The following ZNF462 variants were observed in gnomAD, a reference collection of about 807,000 sequenced individuals.
ZNF462 encodes zinc finger protein 462.
ZNF462 carries 10 observed loss-of-function variants against 201.9 expected under a neutral mutation model. The ratio of observed to expected loss-of-function variants is 0.05; its 90% CI spans 0.03 to 0.08. The LOEUF is 0.08. Among genes scored for constraint, ZNF462 ranks in the 10% least tolerant of loss-of-function variants. The pLI, the probability that ZNF462 is intolerant of heterozygous loss-of-function variation, is 1.00. For missense variants in ZNF462, 2,523 were observed against 3,168.3 expected (o/e 0.80, Z 4.89); for synonymous variants, 1,227 against 1,193.3 (o/e 1.03, Z -0.58).
rs1273616964 is a variant in ZNF462, at chr9:106,902,060, A to G, written c.-30-21294A>G. Among the ~76,000 whole-genome samples the G allele has an allele frequency of 6.6e-6, 1 of 152,132 alleles. No homozygotes were observed. The highest frequency in any genetic ancestry group is 1.5e-5 in the Non-Finnish European group (1 of 68,010). ...GTATTATGCTGGCTGTGGGTTTGTC[A>G]TAGATGGCTTTTATTACATTAAGGT... is the stretch of plus-strand genomic sequence containing the variant. On this transcript the variant is annotated intron_variant, in intron 1 of 12. Coordinates refer to ENST00000277225, the MANE Select transcript of ZNF462 (RefSeq NM_021224.6). This position sits in a 1 kb window ranked among gnomAD's most constrained non-coding sequence, Gnocchi z 4.2.
chr9:106,860,795 C>T (rs1369627583), upstream of ZNF462, among the ~76,000 whole-genome samples: 3 of 152,182 alleles, frequency 2.0e-5, no homozygotes, highest in African/African-American at 7.2e-5. This position sits in a 1 kb window ranked among gnomAD's most constrained non-coding sequence, Gnocchi z 7.1. Flanking sequence ...CTCAGACACC[C>T]CCCGGGTCCC....
In ZNF462 at chr9:106,991,839, T is replaced by TACAC. The variant is rs200978759; in HGVS notation, c.7056+7470_7056+7473dup. Among the ~76,000 whole-genome samples the TACAC allele has an allele frequency of 5.9e-3, 805 of 136,320 alleles. 6 individuals carry two copies. Among genetic ancestry groups the TACAC allele is most frequent in the East Asian group, 0.015 (70 of 4,726 alleles). 89.4% of individuals were successfully genotyped at this position (136,320 alleles called of 152,430 possible). On this transcript the variant is annotated intron_variant, in intron 10 of 12. Coordinates refer to ENST00000277225, the MANE Select transcript of ZNF462 (RefSeq NM_021224.6). ...GACCCTTGACCTTTACAGCACTCTC[T>TACAC]ACACACACACACACACACACACACA... is the stretch of plus-strand genomic sequence containing the variant.
At chr9:106,990,596 C>G (rs1036375680) in intron 10 of ZNF462, among the ~76,000 whole-genome samples, 2 of 151,940 alleles carry the variant, frequency 1.3e-5, no homozygotes, top group African/African-American at 4.8e-5. Flanking sequence ...AATATTTTCA[C>G]TATGCCATAT....
At chr9:106,990,082 G>A (rs1311321976) in intron 10 of ZNF462, among the ~76,000 whole-genome samples, 2 of 151,564 alleles carry the variant, frequency 1.3e-5, no homozygotes, top group African/African-American at 4.8e-5. Flanking sequence ...CCTTAACACT[G>A]CCTTTGCTGT....
chr9:106,900,539 A>G lies in ZNF462; in HGVS notation c.-30-22815A>G, dbSNP rs548058898. The stretch of plus-strand genomic sequence containing the variant: ...GAAGTGTTCTCTGTTCACCGCATCC[A>G]TGCCAACATCTACTGTTTTTTGATT... On this transcript the variant is annotated intron_variant, in intron 1 of 12. Transcript: ENST00000277225. Among the ~76,000 whole-genome samples, 18 of 152,250 alleles carry G rather than the reference A, an allele frequency of 1.2e-4. No individual in the cohort carries two copies. In the South Asian group the frequency reaches 2.7e-3, roughly 23 times the overall value.
chr9:106,978,845 T>G lies in ZNF462; in HGVS notation c.6832+4572T>G. The G allele has an allele frequency of 5.0e-6, 1 of 199,568 alleles. No homozygotes were observed. The highest frequency in any genetic ancestry group is 9.9e-6 in the Non-Finnish European group (1 of 100,596). 12.4% of individuals were successfully genotyped at this position (199,568 alleles called of 1,614,324 possible). On this transcript the variant is annotated intron_variant, in intron 9 of 12. Coordinates refer to ENST00000277225, the MANE Select transcript of ZNF462 (RefSeq NM_021224.6). The surrounding 1 kb of genome is among the most constrained non-coding windows in gnomAD (Gnocchi z 4.1). ...GCTTGGCAACACAAGCCACAGATTT[T>G]GGACCAAGGACCTTGCCTCCTCAGT...
intron 1 of ZNF462, among the ~76,000 whole-genome samples, chr9:106,871,347 G>T (rs1044398623): frequency 2.0e-5 from 3 of 152,168 alleles, no homozygotes; most frequent in Non-Finnish European, 2.9e-5. Context: ...AATAGACAAG[G>T]TTGTTAAAGC....
intron 10 of ZNF462, among the ~76,000 whole-genome samples, chr9:107,000,261 G>A (rs547793062): frequency 4.6e-5 from 7 of 152,032 alleles, no homozygotes; most frequent in Non-Finnish European, 8.8e-5. Context: ...ATGAGAGCCC[G>A]CCATGTAAAC....
At chr9:106,918,985 C>CT (rs1201135626) in intron 1 of ZNF462, among the ~76,000 whole-genome samples, 1 of 152,120 alleles carries the variant, frequency 6.6e-6, no homozygotes, top group African/African-American at 2.4e-5. Flanking sequence ...GGAAAAGCAC[C>CT]TTATGGTGTT....
At position 106,870,932 on chromosome 9, in the gene ZNF462, G is replaced by C. The variant is rs1157060263; in HGVS notation, c.-31+7577G>C. 6.6e-6 allele frequency among the ~76,000 whole-genome samples: 1 copy of C among 152,142 alleles called. No homozygotes were observed. The highest frequency in any genetic ancestry group is 2.1e-4 in the South Asian group (1 of 4,826). ...TCTTTTTCCTGTTCAGATTTAAGAA[G>C]GTAATGCCATTATTCTTCAGTTTTG... is the stretch of plus-strand genomic sequence containing the variant. On this transcript the variant is annotated intron_variant, in intron 1 of 12. Transcript: ENST00000277225. The surrounding 1 kb of genome is among the most constrained non-coding windows in gnomAD (Gnocchi z 4.3).
intron 7 of ZNF462, among the ~76,000 whole-genome samples, chr9:106,939,503 G>A (rs1052608587): frequency 6.6e-6 from 1 of 152,212 alleles, no homozygotes; most frequent in South Asian, 2.1e-4. Context: ...GGGGAGACAG[G>A]TATGTACATT....
In ZNF462 at chr9:107,010,557, A is replaced by G. The variant is rs953239705; in HGVS notation, c.7314-266A>G. ...GATTATGCTTATCTAGAAAGAAAAC[A>G]TGGGATAATCAATATATAGTATAAT... On this transcript the variant is annotated intron_variant, in intron 12 of 12. Transcript: ENST00000277225. The surrounding 1 kb of genome is among the most constrained non-coding windows in gnomAD (Gnocchi z 4.6). 1.3e-5 allele frequency among the ~76,000 whole-genome samples: 2 copies of G among 152,174 alleles called. No homozygotes were observed. The highest frequency in any genetic ancestry group is 6.5e-5 in the Admixed American group (1 of 15,270).
In ZNF462 at chr9:106,883,063, T is replaced by A. The variant is rs1828171523; in HGVS notation, c.-31+19708T>A. On this transcript the variant is annotated intron_variant, in intron 1 of 12. Coordinates refer to ENST00000277225, the MANE Select transcript of ZNF462 (RefSeq NM_021224.6). The surrounding 1 kb of genome is among the most constrained non-coding windows in gnomAD (Gnocchi z 4.9). ...TTAGTTCTTGAACATTTCAATGGAA[T>A]GATTTAGATCATTGAAAGTCTACTA... Among the ~76,000 whole-genome samples the A allele has an allele frequency of 6.6e-6, 1 of 152,212 alleles. No homozygotes were observed. Among genetic ancestry groups the A allele is most frequent in the African/African-American group, 2.4e-5 (1 of 41,462 alleles).
At chr9:106,891,270 G>A (rs1188829934) in intron 1 of ZNF462, among the ~76,000 whole-genome samples, 1 of 152,182 alleles carries the variant, frequency 6.6e-6, no homozygotes, top group Non-Finnish European at 1.5e-5. Context: ...TGAATTCTTA[G>A]ACTTTCTTGA....
In ZNF462 at chr9:106,932,403, A is replaced by T; in HGVS notation, c.6013-43A>T. 6.2e-7 allele frequency: 1 copy of T among 1,614,000 alleles called. No homozygotes were observed. Among genetic ancestry groups the T allele is most frequent in the Non-Finnish European group, 8.5e-7 (1 of 1,179,954 alleles). The stretch of plus-strand genomic sequence containing the variant: ...TGGAGGATGAAACCCGGCCGGGGGG[A>T]TACCATTGCAGTCAATGTGACAGAG... On this transcript the variant is annotated intron_variant, in intron 4 of 12. Coordinates refer to ENST00000277225, the MANE Select transcript of ZNF462 (RefSeq NM_021224.6). This position sits in a 1 kb window ranked among gnomAD's most constrained non-coding sequence, Gnocchi z 6.8.
intron 5 of ZNF462, among the ~76,000 whole-genome samples, chr9:106,934,099 T>G (rs1830531076): frequency 6.6e-6 from 1 of 152,178 alleles, no homozygotes; most frequent in African/African-American, 2.4e-5. Context: ...CCAGGCACTG[T>G]ACTAAGGGCC....
At chr9:106,909,961 T>C (rs978277538) in intron 1 of ZNF462, among the ~76,000 whole-genome samples, 1 of 152,218 alleles carries the variant, frequency 6.6e-6, no homozygotes, top group African/African-American at 2.4e-5. Flanking sequence ...ACGAAACCTT[T>C]TATCTGTATG....
chr9:107,004,981 G>A (rs964981658), intron 11 of ZNF462, among the ~76,000 whole-genome samples: 1 of 152,028 alleles, frequency 6.6e-6, no homozygotes, highest in Non-Finnish European at 1.5e-5. Context: ...GCCTCTGTGT[G>A]CCTGTCTCAT....
chr9:106,983,075 C>T (rs966539055), intron 9 of ZNF462, among the ~76,000 whole-genome samples: 1 of 152,182 alleles, frequency 6.6e-6, no homozygotes, highest in Admixed American at 6.5e-5. Flanking sequence ...AAAACACATG[C>T]TATATTTGAT....
Sources: allele counts gnomAD v4.1 joint callset (sites outside exome capture counted in the v4.1 genomes callset), GRCh38; gene constraint gnomAD v4.1.1; non-coding constraint Gnocchi (gnomAD v3.1); transcripts MANE v1.5; gene names NCBI Gene and HGNC (gene_info 2026-07-23, HGNC 2026-07-21).